APAF1: variants seen among roughly 807,000 people sequenced by gnomAD.
APAF1 encodes the protein apoptotic protease-activating factor 1.
A neutral mutation model predicts 152.4 loss-of-function variants in APAF1; 91 were observed. The ratio of observed to expected loss-of-function variants is 0.60; its 90% CI spans 0.50 to 0.71. APAF1 has a LOEUF of 0.71. Ranked by LOEUF, APAF1 falls within the 30% of genes least tolerant of loss-of-function variation. The pLI is 0.00. For missense variants in APAF1, 1,283 were observed against 1,472.0 expected, an observed-to-expected ratio of 0.87 and a Z score of 2.10; for synonymous variants, 484 against 494.1, an observed-to-expected ratio of 0.98 and a Z score of 0.27.
chr12:98,654,816 C>CTTTTTTTTTTTTTT (rs758991431), intron 4 of APAF1, among the ~76,000 whole-genome samples: 6 of 116,764 alleles, frequency 5.1e-5, no homozygotes, highest in Admixed American at 1.8e-4. Context: ...GTAGTATTTT[C>CTTTTTTTTTTTTTT]TTTTTTTTTT....
rs1387271877 is a variant in APAF1 at position 98,706,561 on chromosome 12, C to T, written c.2672C>T (p.Ser891Phe). 6.2e-7 allele frequency: 1 copy of T among 1,614,020 alleles called. No homozygotes were observed. Among genetic ancestry groups the T allele is most frequent in the Non-Finnish European group, 8.5e-7 (1 of 1,179,920 alleles). The part of the protein sequence containing the change: ...HLSWVHGVMF[S>F]PDGSSFLTSS... ...AGTTGGGTTCATGGTGTGATGTTTT[C>T]TCCTGATGGATCATCATTTTTGACA... The change falls in exon 19 of 27, where the codon TCT becomes TTT. Residue 891 changes from serine (S) to phenylalanine (F), a missense_variant. Coordinates refer to ENST00000551964, the MANE Select transcript of APAF1 (RefSeq NM_181861.2).
In APAF1 at chr12:98,667,509, G is replaced by A; in HGVS notation, c.1363-4G>A. Reference sequence around the variant, plus strand: ...GGCTTCTGAAACGTTTCATTGGGTTGCAGGATCTACATAAGAAGATAATCA... The same window carrying A: ...GGCTTCTGAAACGTTTCATTGGGTTACAGGATCTACATAAGAAGATAATCA... On this transcript the variant is annotated splice_region_variant and splice_polypyrimidine_tract_variant and intron_variant, in intron 9 of 26. Coordinates refer to ENST00000551964, the MANE Select transcript of APAF1 (RefSeq NM_181861.2). 1 of 1,613,162 alleles carries A rather than the reference G, an allele frequency of 6.2e-7. No individual in the cohort carries two copies.
chr12:98,723,091 G>T (rs2097745309), intron 22 of APAF1, 102 bp from the exon 23 acceptor site: 2 of 1,216,014 alleles, frequency 1.6e-6, no homozygotes, highest in African/African-American at 3.0e-5. Flanking sequence ...GAAATGCCAT[G>T]TGAGTAAAAG....
rs146300180 is a variant in APAF1, at chr12:98,711,394, TTAGTTAC to T, written c.2842-922_2842-916del. Reference sequence around the variant, plus strand: ...TTCATTTAAGTGAATAAAACATTTTTTAGTTACTACTTAAAGAATTCTTGAAATTGAT... The same window carrying T: ...TTCATTTAAGTGAATAAAACATTTTTTACTTAAAGAATTCTTGAAATTGAT... On this transcript the variant is annotated intron_variant, in intron 20 of 26. Coordinates refer to ENST00000551964, the MANE Select transcript of APAF1 (RefSeq NM_181861.2). Among the ~76,000 whole-genome samples, 639 of 152,334 alleles carry T rather than the reference TTAGTTAC, an allele frequency of 4.2e-3. 2 individuals carry two copies. Among genetic ancestry groups the T allele is most frequent in the African/African-American group, 0.014 (590 of 41,570 alleles).
chr12:98,664,745 G>T (rs1450714479), intron 7 of APAF1, among the ~76,000 whole-genome samples: 1 of 151,894 alleles, frequency 6.6e-6, no homozygotes, highest in East Asian at 1.9e-4. Context: ...ATGTTGCCCA[G>T]GCAGGTCTCA....
intron 21 of APAF1, chr12:98,712,636 C>G: frequency 3.7e-6 from 2 of 547,084 alleles, no homozygotes; most frequent in Non-Finnish European, 6.5e-6. Flanking sequence ...CCCACTTAAG[C>G]CTCCTGAGTA....
chr12:98,702,236 T>C (rs149073415), intron 17 of APAF1, among the ~76,000 whole-genome samples: 3,264 of 152,096 alleles, frequency 0.021, 53 homozygotes, highest in East Asian at 0.086. Context: ...CGGCTAATTT[T>C]TTGTATTTTT....
chr12:98,702,743 T>C (rs1450768102), intron 17 of APAF1, among the ~76,000 whole-genome samples: 1 of 151,590 alleles, frequency 6.6e-6, no homozygotes, highest in Non-Finnish European at 1.5e-5. Flanking sequence ...GAGAATTGCT[T>C]GAACCCAGGA....
intron 16 of APAF1, among the ~76,000 whole-genome samples, chr12:98,698,451 G>C (rs1427587966): frequency 6.6e-6 from 1 of 152,132 alleles, no homozygotes; most frequent in Non-Finnish European, 1.5e-5. Flanking sequence ...TTTCTCTTTA[G>C]TATCAGGGAA....
chr12:98,683,153 C>G lies in APAF1; in HGVS notation c.2057C>G (p.Ser686Cys). ...CTCTTTTCTCTTTAGATTTGGAATT[C>G]TATGACTGGGGAACTAGTACACACC... Reference protein sequence around the residue: ...SVDKKVKIWNSMTGELVHTYD... With the variant: ...SVDKKVKIWNCMTGELVHTYD... The change falls in exon 15 of 27, where the codon TCT (serine) becomes TGT (cysteine). Residue 686 changes from serine to cysteine, a missense_variant. Coordinates refer to ENST00000551964, the MANE Select transcript of APAF1 (RefSeq NM_181861.2). The G allele has an allele frequency of 3.7e-6, 6 of 1,613,046 alleles. No individual in the cohort carries two copies. Among genetic ancestry groups the G allele is most frequent in the Non-Finnish European group, 4.2e-6 (5 of 1,179,318 alleles).
chr12:98,715,235 C>CATAT lies in APAF1; in HGVS notation c.2959-149_2959-146dup, dbSNP rs61430351. On this transcript the variant is annotated intron_variant, in intron 21 of 26. Transcript: ENST00000551964. ...TTTGCATGTAGGCATACATGGTGTG[C>CATAT]ATATATATATATATATATATATATA... is the stretch of plus-strand genomic sequence containing the variant. Among the ~76,000 whole-genome samples, 287 of 54,732 alleles carry CATAT rather than the reference C, an allele frequency of 5.2e-3. 8 individuals are homozygous for CATAT. Among genetic ancestry groups the CATAT allele is most frequent in the Middle Eastern group, 0.013 (1 of 78 alleles). 35.9% of individuals were successfully genotyped at this position (54,732 alleles called of 152,430 possible).
At chr12:98,716,813 T>G (rs1489540953) in intron 22 of APAF1, among the ~76,000 whole-genome samples, 1 of 152,184 alleles carries the variant, frequency 6.6e-6, no homozygotes, top group Non-Finnish European at 1.5e-5. Context: ...CCCGGACTGA[T>G]AATCTAGTTT....
At chr12:98,680,577 A>AT (rs1159770478) in intron 14 of APAF1, among the ~76,000 whole-genome samples, 175 bp downstream of exon 14, 7 of 152,104 alleles carry the variant, frequency 4.6e-5, no homozygotes, top group Non-Finnish European at 1.0e-4. Flanking sequence ...AAGAGACAGG[A>AT]TTTTGCTCTG....
intron 9 of APAF1, among the ~76,000 whole-genome samples, chr12:98,666,670 C>CT (rs1565864412): frequency 6.6e-6 from 1 of 152,032 alleles, no homozygotes; most frequent in African/African-American, 2.4e-5. Flanking sequence ...ATTTATCAGT[C>CT]TTTATCTTTC....
chr12:98,723,106 T>C (rs973366976), intron 22 of APAF1, 87 bp from the exon 23 acceptor site: 6 of 1,412,178 alleles, frequency 4.2e-6, no homozygotes, highest in African/African-American at 4.2e-5. Context: ...TAAAAGACTT[T>C]AGACAAGAGA....
intron 16 of APAF1, among the ~76,000 whole-genome samples, chr12:98,696,011 T>C (rs535955298): frequency 3.3e-5 from 5 of 152,336 alleles, no homozygotes; most frequent in African/African-American, 9.6e-5. Flanking sequence ...GTTGCTGCTG[T>C]CTCTTTCTCC....
intron 22 of APAF1, among the ~76,000 whole-genome samples, chr12:98,721,992 TAC>T (rs1565894031): frequency 6.6e-6 from 1 of 152,216 alleles, no homozygotes; most frequent in Admixed American, 6.5e-5. Context: ...TGTTTTCCCA[TAC>T]CTCAGAATTT....
chr12:98,722,663 T>C (rs570593955), intron 22 of APAF1, among the ~76,000 whole-genome samples: 59 of 152,238 alleles, frequency 3.9e-4, no homozygotes, highest in African/African-American at 1.4e-3. Context: ...TGAAAAACAA[T>C]GCCTTCTCAC....
intron 20 of APAF1, among the ~76,000 whole-genome samples, chr12:98,710,253 TA>T (rs2097726524): frequency 6.6e-6 from 1 of 151,126 alleles, no homozygotes; most frequent in South Asian, 2.1e-4. Flanking sequence ...GGCCTTTCAT[TA>T]GCTCTTGAAG....
Sources: gnomAD v4.1 joint callset for allele counts (sites outside exome capture counted in the v4.1 genomes callset) on GRCh38, gnomAD v4.1.1 for gene constraint, MANE v1.5 for transcripts, NCBI Gene and HGNC (gene_info 2026-07-23, HGNC 2026-07-21) for gene names.